Variants in ITK observed in about 807,000 individuals in gnomAD.
The protein encoded by ITK is tyrosine-protein kinase ITK/TSK.
In ITK, 45 loss-of-function variants were observed where a neutral mutation model predicts 87.6. The ratio of observed to expected loss-of-function variants is 0.51; its 90% CI spans 0.40 to 0.66. The LOEUF (loss-of-function observed/expected upper bound fraction) is 0.66. ITK is among the 30% of genes least tolerant of loss of function. ITK has a pLI of 0.00. For missense variants in ITK, 605 were observed against 766.3 expected (o/e 0.79, Z 2.48); for synonymous variants, 303 against 273.6 (o/e 1.11, Z -1.06).
At chr5:157,192,100 T>G (rs979100543) in intron 1 of ITK, among the ~76,000 whole-genome samples, 1 of 152,242 alleles carries the variant, frequency 6.6e-6, no homozygotes, top group African/African-American at 2.4e-5. Flanking sequence ...TTTCAAGTAC[T>G]CCATTTTGAA....
At chr5:157,243,589 G>C (rs1754957435) in intron 11 of ITK, 34 bp from the exon 12 acceptor site, 1 of 1,594,320 alleles carries the variant, frequency 6.3e-7, no homozygotes, top group Non-Finnish European at 8.6e-7. Context: ...TCTACTGCTT[G>C]CTGACCCCAG....
intron 5 of ITK, among the ~76,000 whole-genome samples, chr5:157,219,131 A>G (rs748805797): frequency 1.6e-3 from 190 of 115,574 alleles, no homozygotes; most frequent in Non-Finnish European, 2.5e-3. Context: ...TTTTTTTTTG[A>G]GATAGAGTCT....
Position 157,252,622 on chromosome 5 carries a change from C to T in ITK, c.1807C>T (p.Pro603Ser). The T allele has an allele frequency of 6.2e-7, 1 of 1,613,976 alleles. No homozygotes were observed. The highest frequency in any genetic ancestry group is 1.1e-5 in the South Asian group (1 of 91,084). The change falls in exon 17 of 17, where the codon CCA (proline) becomes TCA (serine). Residue 603 changes from proline to serine, a missense_variant. Physicochemically the swap from Pro to Ser is moderately conservative, Grantham distance 74. Around this residue, in one of 3 missense-constraint regions of ITK, gnomAD observed 71 missense variants for 65.8 expected, o/e 1.08. Transcript: ENST00000422843. ...HCWKERPEDR[P>S]AFSRLLRQLA... ...CCCTCTCCAGAGACCAGAAGATCGG[C>T]CAGCCTTCTCCAGACTGCTGCGTCA...
intron 5 of ITK, among the ~76,000 whole-genome samples, chr5:157,221,983 T>A (rs543348094): frequency 1.3e-5 from 2 of 151,740 alleles, no homozygotes; most frequent in South Asian, 4.2e-4. Flanking sequence ...AGACCCTGTC[T>A]CTCTTAAAAA....
intron 1 of ITK, among the ~76,000 whole-genome samples, chr5:157,182,356 GGC>G (rs1476614984): frequency 2.6e-5 from 4 of 152,170 alleles, no homozygotes; most frequent in Non-Finnish European, 5.9e-5. Flanking sequence ...GAGGAGGTCA[GGC>G]TGGGTATAGA....
At chr5:157,201,230 TAAC>T (rs1753966262) in intron 1 of ITK, among the ~76,000 whole-genome samples, 1 of 151,260 alleles carries the variant, frequency 6.6e-6, no homozygotes, top group Non-Finnish European at 1.5e-5. Context: ...AACCTACAAC[TAAC>T]ATTATACTTA....
rs1755216346 is a variant in ITK, at chr5:157,254,713, T to C, written c.*2035T>C. On this transcript the variant is annotated 3_prime_UTR_variant, in exon 17 of 17. Transcript: ENST00000422843. ...GTACATTATCTTTTGGGATCCTTAA[T>C]TAGAGATGATTTCTGGAACATTCAG... The C allele has an allele frequency of 4.6e-6, 1 of 218,520 alleles. No homozygotes were observed. The highest frequency in any genetic ancestry group is 2.2e-5 in the African/African-American group (1 of 44,548). 13.5% of individuals were successfully genotyped at this position (218,520 alleles called of 1,614,324 possible).
At chr5:157,191,846 T>C (rs1416604396) in intron 1 of ITK, among the ~76,000 whole-genome samples, 2 of 152,190 alleles carry the variant, frequency 1.3e-5, no homozygotes, top group Non-Finnish European at 2.9e-5. Flanking sequence ...GTATACATAA[T>C]ATAGGGCTGT....
In ITK at chr5:157,215,355, T is replaced by G. The variant is rs544272753; in HGVS notation, c.454+1036T>G. ...AAGGCGGATGTAACACATGGCTAGGTTTTCTGTGGCTTCCTGATTCATAGG... is the reference window on the plus strand; with the variant it reads ...AAGGCGGATGTAACACATGGCTAGGGTTTCTGTGGCTTCCTGATTCATAGG... On this transcript the variant is annotated intron_variant, in intron 4 of 16. Transcript: ENST00000422843. Among the ~76,000 whole-genome samples the G allele has an allele frequency of 3.3e-5, 5 of 152,236 alleles. No individual in the cohort carries two copies. The East Asian group carries it at 9.6e-4, about 29-fold the overall frequency.
intron 1 of ITK, among the ~76,000 whole-genome samples, chr5:157,194,018 C>T (rs1753804797): frequency 3.3e-5 from 5 of 152,044 alleles, no homozygotes; most frequent in South Asian, 2.1e-4. Flanking sequence ...AATGGAGCTA[C>T]GAGGACGGTA....
chr5:157,193,722 T>G (rs1255383141), intron 1 of ITK, among the ~76,000 whole-genome samples: 1 of 152,172 alleles, frequency 6.6e-6, no homozygotes, highest in African/African-American at 2.4e-5. Flanking sequence ...ATAAGTCTTT[T>G]AATAGAAGCT....
chr5:157,245,717 C>T lies in ITK; in HGVS notation c.1450-9C>T, dbSNP rs970900974. On this transcript the variant is annotated splice_polypyrimidine_tract_variant and intron_variant, in intron 13 of 16. Coordinates refer to ENST00000422843, the MANE Select transcript of ITK (RefSeq NM_005546.4). The stretch of plus-strand genomic sequence containing the variant: ...CCTCTCCGCCTTTGTTTGCCTGTCT[C>T]CTCTCCAGGCTGCCAGAAATTGTTT... The T allele has an allele frequency of 1.2e-6, 2 of 1,613,696 alleles. No individual in the cohort carries two copies. The highest frequency in any genetic ancestry group is 1.7e-6 in the Non-Finnish European group (2 of 1,179,592).
chr5:157,200,210 A>C (rs929637106), intron 1 of ITK, among the ~76,000 whole-genome samples: 6 of 152,216 alleles, frequency 3.9e-5, no homozygotes, highest in Non-Finnish European at 8.8e-5. Context: ...AGCATCTTGA[A>C]TTGTGTCTGA....
intron 3 of ITK, 114 bp downstream of exon 3, chr5:157,211,482 TG>T: frequency 1.1e-6 from 1 of 928,222 alleles, no homozygotes. Flanking sequence ...ATTTCTCTTT[TG>T]GGGTTGGTGG....
intron 1 of ITK, chr5:157,199,689 C>A (rs933495329): frequency 5.3e-5 from 8 of 152,050 alleles, no homozygotes; most frequent in Admixed American, 3.9e-4. Flanking sequence ...AGAGGGTTGG[C>A]CTCTGTGAAC....
rs1419185852 is a variant in ITK, at chr5:157,208,909, G to A, written c.159G>A (p.Gly53=). 1.2e-6 allele frequency: 2 copies of A among 1,613,632 alleles called. No homozygotes were observed. Among genetic ancestry groups the A allele is most frequent in the East Asian group, 2.2e-5 (1 of 44,858 alleles). ...CACAGAAGAAGCGCACGCTGAAGGGGTCCATTGAGCTCTCCCGAATCAAAT... is the reference window on the plus strand; with the variant it reads ...CACAGAAGAAGCGCACGCTGAAGGGATCCATTGAGCTCTCCCGAATCAAAT... The part of the protein sequence containing the change: ...DRHGKKRTLK[G]SIELSRIKCV... The change falls in exon 2 of 17, where the codon GGG becomes GGA. Residue 53 remains glycine, a synonymous_variant. Coordinates refer to ENST00000422843, the MANE Select transcript of ITK (RefSeq NM_005546.4).
rs760869042 is a variant in ITK at position 157,254,435 on chromosome 5, A to AT, written c.*1759dup. ...TGTAGAAGTATGAGTTCTTCCTTTA[A>AT]TTATCATTCCAACTTTCAGCTGTAG... On this transcript the variant is annotated 3_prime_UTR_variant, in exon 17 of 17. Transcript: ENST00000422843. 4.5e-6 allele frequency: 1 copy of AT among 221,918 alleles called. No homozygotes were observed. Among genetic ancestry groups the AT allele is most frequent in the Non-Finnish European group, 9.0e-6 (1 of 111,048 alleles). The allele number at this position is 221,918 out of a possible 1,614,324, so 13.7% of individuals were successfully genotyped here. A position where few individuals can be genotyped will look rare whatever the true frequency, so the allele number is the denominator to read the frequency against.
At chr5:157,226,797 GTTTTGTTT>G (rs201332368) in intron 6 of ITK, among the ~76,000 whole-genome samples, 12,264 of 151,838 alleles carry the variant, frequency 0.081, 638 homozygotes, top group Admixed American at 0.13. Context: ...TTTTTGTTTT[GTTTTGTTT>G]TTTTGTTTTT....
chr5:157,224,653 C>T (rs1404341764), intron 6 of ITK, among the ~76,000 whole-genome samples: 1 of 152,024 alleles, frequency 6.6e-6, no homozygotes, highest in Admixed American at 6.6e-5. Flanking sequence ...TGGTGGCAGG[C>T]GCCTGTGATT....
Sources: gnomAD v4.1 joint callset for allele counts (sites outside exome capture counted in the v4.1 genomes callset) on GRCh38, gnomAD v4.1.1 for gene constraint, gnomAD v4.1.1 regional missense constraint, MANE v1.5 for transcripts, NCBI Gene and HGNC (gene_info 2026-07-23, HGNC 2026-07-21) for gene names.